Variants in DMD observed in about 807,000 individuals in gnomAD.
DMD encodes mutant dystrophin.
Under a neutral mutation model 330.1 loss-of-function variants are expected in DMD, and 63 were observed. The ratio of observed to expected loss-of-function variants is 0.19; its 90% CI spans 0.16 to 0.24. DMD has a LOEUF of 0.24. Among genes scored for constraint, DMD ranks in the 10% least tolerant of loss-of-function variants. The probability of loss-of-function intolerance (pLI) is 1.00; values close to 1 mark genes in which losing one functional copy is unlikely to be tolerated. For missense variants in DMD, 3,344 were observed against 2,684.1 expected, an observed-to-expected ratio of 1.25 and a Z score of -5.43; for synonymous variants, 1,223 against 959.8, an observed-to-expected ratio of 1.27 and a Z score of -5.07.
At chrX:33,049,766 A>G (rs1009596013) in intron 1 of DMD, among the ~76,000 whole-genome samples, 6 of 111,533 alleles carry the variant, frequency 5.4e-5, no homozygotes, top group South Asian at 3.7e-4. Context: ...TGTAATTATC[A>G]ATATTAATAC....
At chrX:31,698,574 C>T (rs1029807909) in intron 52 of DMD, among the ~76,000 whole-genome samples, 1 of 112,092 alleles carries the variant, frequency 8.9e-6, no homozygotes, top group African/African-American at 3.2e-5. Context: ...CCTTCTACTT[C>T]CACAAGGCAT....
intron 44 of DMD, among the ~76,000 whole-genome samples, chrX:31,988,296 C>G (rs2095523536): frequency 9.2e-6 from 1 of 108,220 alleles, no homozygotes; most frequent in African/African-American, 3.4e-5. Flanking sequence ...CACGGTGAAA[C>G]TCCGTCTCTA....
chrX:32,149,631 G>A (rs185209464), intron 44 of DMD, among the ~76,000 whole-genome samples: 149 of 111,711 alleles, frequency 1.3e-3, no homozygotes, highest in African/African-American at 4.7e-3. Flanking sequence ...TGTTGTAATG[G>A]AGTCTATTAA....
intron 44 of DMD, among the ~76,000 whole-genome samples, chrX:32,107,041 G>A (rs913004353): frequency 9.0e-6 from 1 of 111,584 alleles, no homozygotes; most frequent in Non-Finnish European, 1.9e-5. Flanking sequence ...GTTCCATCTG[G>A]GGACATTTGT....
At chrX:32,526,915 A>T (rs2046986528) in intron 17 of DMD, among the ~76,000 whole-genome samples, 1 of 112,068 alleles carries the variant, frequency 8.9e-6, no homozygotes, top group African/African-American at 3.2e-5. Context: ...CATTTACATA[A>T]ATTTTAATTC....
At chrX:31,507,671 G>A (rs1004046926) in intron 55 of DMD, among the ~76,000 whole-genome samples, 5 of 112,120 alleles carry the variant, frequency 4.5e-5, no homozygotes, top group African/African-American at 1.6e-4. Context: ...CTTATTAGTT[G>A]TAATAGATTT....
intron 2 of DMD, among the ~76,000 whole-genome samples, chrX:32,860,586 T>TG (rs779773234): frequency 9.0e-6 from 1 of 111,638 alleles, no homozygotes; most frequent in African/African-American, 3.3e-5. Context: ...TTGATTTTTT[T>TG]TTTGTTTTCT....
intron 1 of DMD, among the ~76,000 whole-genome samples, chrX:33,230,900 A>T (rs1196813138): frequency 9.0e-6 from 1 of 110,547 alleles, no homozygotes; most frequent in Non-Finnish European, 1.9e-5. Flanking sequence ...AAGTATCCTT[A>T]GTTAAGTACC....
intron 2 of DMD, among the ~76,000 whole-genome samples, chrX:32,971,252 G>A (rs1005866584): frequency 2.7e-5 from 3 of 111,584 alleles, no homozygotes; most frequent in Non-Finnish European, 5.6e-5. Flanking sequence ...GTGAGCCACC[G>A]CACTCAGCCA....
chrX:31,594,919 G>A (rs2077045179), intron 55 of DMD, among the ~76,000 whole-genome samples: 1 of 111,159 alleles, frequency 9.0e-6, no homozygotes, highest in South Asian at 3.8e-4. Flanking sequence ...ATTTTTGCAC[G>A]GTGGAAGAGT....
intron 42 of DMD, among the ~76,000 whole-genome samples, chrX:32,297,075 C>T (rs148422199): frequency 0.015 from 1,687 of 110,084 alleles, 31 homozygotes; most frequent in African/African-American, 0.054. Context: ...GGATTCAGTA[C>T]AGTTAGGCAC....
intron 2 of DMD, among the ~76,000 whole-genome samples, chrX:32,982,786 T>C (rs1321995247): frequency 8.9e-6 from 1 of 111,887 alleles, no homozygotes; most frequent in East Asian, 2.8e-4. Flanking sequence ...GAGGATTCCC[T>C]GAGACAACAT....
chrX:31,502,689 T>A (rs2070521220), intron 56 of DMD, among the ~76,000 whole-genome samples: 1 of 111,804 alleles, frequency 8.9e-6, no homozygotes, highest in Admixed American at 9.5e-5. Flanking sequence ...ATTATGTGAT[T>A]TTCATAGTTA....
intron 18 of DMD, among the ~76,000 whole-genome samples, chrX:32,507,003 T>A (rs770640901): frequency 4.5e-5 from 5 of 111,804 alleles, no homozygotes; most frequent in Non-Finnish European, 5.7e-5. Flanking sequence ...CTTAGCAGCT[T>A]ATGGCATACT....
chrX:31,156,280 G>A (rs2038105291), intron 74 of DMD, among the ~76,000 whole-genome samples: 1 of 111,637 alleles, frequency 9.0e-6, no homozygotes, highest in Admixed American at 9.5e-5. Context: ...CAGTATAAAG[G>A]TTTTATATAA....
intron 67 of DMD, among the ~76,000 whole-genome samples, chrX:31,195,972 TA>T (rs763742276): frequency 9.0e-5 from 10 of 111,685 alleles, no homozygotes; most frequent in Non-Finnish European, 1.7e-4. Flanking sequence ...AGTAAGTGTA[TA>T]AACAAAACAG....
At chrX:31,298,456 T>C (rs1189301822) in intron 62 of DMD, among the ~76,000 whole-genome samples, 2 of 109,285 alleles carry the variant, frequency 1.8e-5, no homozygotes, top group East Asian at 5.7e-4. Flanking sequence ...TACAGAGTAA[T>C]AGTGGTAATA....
chrX:32,720,983 TCTTG>T (rs1010260633), intron 7 of DMD, among the ~76,000 whole-genome samples: 10 of 111,431 alleles, frequency 9.0e-5, no homozygotes, highest in African/African-American at 2.9e-4. Flanking sequence ...TTTTTCTGTG[TCTTG>T]CTTATTTCAC....
chrX:31,996,910 T>G (rs1471552333), intron 44 of DMD, among the ~76,000 whole-genome samples: 1 of 111,856 alleles, frequency 8.9e-6, no homozygotes, highest in African/African-American at 3.2e-5. Context: ...AATGATGTCA[T>G]CTATGGGAAG....
Sources: allele counts gnomAD v4.1 joint callset (sites outside exome capture counted in the v4.1 genomes callset), GRCh38; gene constraint gnomAD v4.1.1; transcripts MANE v1.5; gene names NCBI Gene and HGNC (gene_info 2026-07-23, HGNC 2026-07-21).